Variants in STK24 observed in about 807,000 individuals in gnomAD.
STK24 encodes serine/threonine-protein kinase 24.
STK24 carries 21 observed loss-of-function variants against 55.6 expected under a neutral mutation model. The observed-to-expected ratio is 0.38, with a 90% CI of 0.27 to 0.54. The LOEUF is 0.54. Among genes scored for constraint, STK24 ranks in the 20% least tolerant of loss-of-function variants. STK24 has a pLI of 0.79. For missense variants in STK24, 383 were observed against 538.4 expected (o/e 0.71, Z 2.86); for synonymous variants, 200 against 215.2 (o/e 0.93, Z 0.62).
intron 1 of STK24, among the ~76,000 whole-genome samples, chr13:98,571,533 A>G (rs1337823603): frequency 6.6e-6 from 1 of 152,176 alleles, no homozygotes; most frequent in African/African-American, 2.4e-5. Flanking sequence ...TTTCTAATTT[A>G]AAAAAACCTT....
intron 5 of STK24, 130 bp downstream of exon 5, chr13:98,474,691 G>GA: frequency 8.4e-7 from 1 of 1,196,172 alleles, no homozygotes; most frequent in African/African-American, 1.5e-5. Context: ...CAAGGTTGAA[G>GA]AATTACCTTT....
intron 2 of STK24, among the ~76,000 whole-genome samples, chr13:98,499,436 A>C (rs1211980695): frequency 1.3e-5 from 2 of 152,198 alleles, no homozygotes; most frequent in Non-Finnish European, 2.9e-5. Context: ...TTGCGTATGG[A>C]AAGAAGCACC....
At chr13:98,475,212 T>G (rs1894319928) in intron 4 of STK24, 38 bp downstream of exon 4, 2 of 1,555,006 alleles carry the variant, frequency 1.3e-6, no homozygotes, top group East Asian at 4.5e-5. Context: ...ACCACCACCT[T>G]CAGTATTTCA....
chr13:98,505,190 G>A (rs140049623), intron 2 of STK24: 1 of 152,336 alleles, frequency 6.6e-6, no homozygotes, highest in East Asian at 1.9e-4. Flanking sequence ...ATCCACCAAG[G>A]TATAAAGGAG....
intron 2 of STK24, among the ~76,000 whole-genome samples, chr13:98,487,051 G>A (rs192628796): frequency 4.9e-4 from 75 of 152,262 alleles, no homozygotes; most frequent in African/African-American, 1.8e-3. Flanking sequence ...TGAATAACCT[G>A]GTAAAACCAA....
chr13:98,460,626 G>C (rs1212031651), intron 8 of STK24, among the ~76,000 whole-genome samples, 186 bp from the exon 9 acceptor site: 2 of 152,156 alleles, frequency 1.3e-5, no homozygotes, highest in Non-Finnish European at 2.9e-5. Flanking sequence ...AGACTTCAAA[G>C]TTTCATCTGC....
chr13:98,499,499 G>A (rs772212788), intron 2 of STK24, among the ~76,000 whole-genome samples: 8 of 152,168 alleles, frequency 5.3e-5, no homozygotes, highest in South Asian at 4.1e-4. Flanking sequence ...CTGAGTCCTG[G>A]CTCATCAGCT....
chr13:98,452,518 G>A lies in STK24; in HGVS notation c.*655C>T, dbSNP rs138036281. 3.9e-5 allele frequency: 6 copies of A among 152,726 alleles called. No homozygotes were observed. In the East Asian group the frequency reaches 7.7e-4, roughly 20 times the overall value. The allele number at this position is 152,726 out of a possible 1,614,324, so 9.5% of individuals were successfully genotyped here. A position where few individuals can be genotyped will look rare whatever the true frequency, so the allele number is the denominator to read the frequency against. On this transcript the variant is annotated 3_prime_UTR_variant, in exon 11 of 11. Coordinates refer to ENST00000539966, the MANE Select transcript of STK24 (RefSeq NM_001032296.4). ...AATAGGAGTGTTCTGTAAGAGAGGG[G>A]CATTAATTATTAATGACAAACCCTG...
At chr13:98,481,751 CA>C (rs137917260) in intron 3 of STK24, among the ~76,000 whole-genome samples, 37,745 of 152,044 alleles carry the variant, frequency 0.25, 5,447 homozygotes, top group East Asian at 0.41. Context: ...CAGCTGGTTT[CA>C]AAAGCAGACA....
chr13:98,450,882 G>GT lies in STK24; in HGVS notation c.*2290dup, dbSNP rs1318209712. On this transcript the variant is annotated 3_prime_UTR_variant, in exon 11 of 11. Transcript: ENST00000539966. ...GGCTGATTTTGTGCGTCTACAGAAAGTAACAGCCCAGGAGAGAATGTACAC... is the reference window on the plus strand; with the variant it reads ...GGCTGATTTTGTGCGTCTACAGAAAGTTAACAGCCCAGGAGAGAATGTACAC... 2 of 152,188 alleles carry GT rather than the reference G, an allele frequency of 1.3e-5. No homozygotes were observed. The highest frequency in any genetic ancestry group is 6.5e-5 in the Admixed American group (1 of 15,282). The allele number at this position is 152,188 out of a possible 1,614,324, so 9.4% of individuals were successfully genotyped here. A position where few individuals can be genotyped will look rare whatever the true frequency, so the allele number is the denominator to read the frequency against.
At chr13:98,567,767 TGAA>T (rs200782123) in intron 1 of STK24, among the ~76,000 whole-genome samples, 4,851 of 152,112 alleles carry the variant, frequency 0.032, 235 homozygotes, top group African/African-American at 0.11. Context: ...ACCTATAAAC[TGAA>T]GAATAGCAAC....
At position 98,446,643 on chromosome 13, in the gene STK24, T is replaced by A; in HGVS notation, c.*6530A>T. 1.9e-6 allele frequency: 3 copies of A among 1,612,666 alleles called. No homozygotes were observed. Among genetic ancestry groups the A allele is most frequent in the Non-Finnish European group, 2.5e-6 (3 of 1,178,882 alleles). ...GCAGAAGCTGACCCCGAAAAGCCAC[T>A]TTGCTTTGTTTCCCCTTTCCAGGAC... On this transcript the variant is annotated 3_prime_UTR_variant, in exon 11 of 11. Coordinates refer to ENST00000539966, the MANE Select transcript of STK24 (RefSeq NM_001032296.4).
intron 3 of STK24, among the ~76,000 whole-genome samples, chr13:98,478,833 A>G (rs1894480608): frequency 1.3e-5 from 2 of 151,960 alleles, no homozygotes; most frequent in South Asian, 4.1e-4. Flanking sequence ...ATCAGCTAAA[A>G]CCTTCTGGTC....
intron 2 of STK24, among the ~76,000 whole-genome samples, chr13:98,497,176 G>A (rs1018588697): frequency 1.4e-4 from 22 of 152,004 alleles, no homozygotes; most frequent in African/African-American, 4.6e-4. Flanking sequence ...TTTCCTCACC[G>A]CCTTCCTCTG....
At chr13:98,500,022 T>C (rs1322288408) in intron 2 of STK24, among the ~76,000 whole-genome samples, 2 of 152,256 alleles carry the variant, frequency 1.3e-5, no homozygotes, top group African/African-American at 2.4e-5. Flanking sequence ...GTGCTAGTGT[T>C]ACTTTGTGTT....
intron 1 of STK24, among the ~76,000 whole-genome samples, chr13:98,570,417 G>A (rs746330750): frequency 7.9e-5 from 12 of 152,078 alleles, no homozygotes; most frequent in Non-Finnish European, 1.2e-4. Flanking sequence ...CAAACCTTAC[G>A]GCCTAAAATT....
Position 98,447,350 on chromosome 13 carries a change from C to A in STK24, c.*5823G>T, listed in dbSNP as rs1892912312. On this transcript the variant is annotated 3_prime_UTR_variant, in exon 11 of 11. Coordinates refer to ENST00000539966, the MANE Select transcript of STK24 (RefSeq NM_001032296.4). ...GCTGAGCACCTCCTAAACAACATCA[C>A]CTGAAAAAGGAACCTAGAGGAGAGC... The A allele has an allele frequency of 6.6e-6, 1 of 152,604 alleles. No individual in the cohort carries two copies. Among genetic ancestry groups the A allele is most frequent in the South Asian group, 2.1e-4 (1 of 4,850 alleles). 9.5% of individuals were successfully genotyped at this position (152,604 alleles called of 1,614,324 possible).
At chr13:98,480,834 C>A (rs1894553745) in intron 3 of STK24, among the ~76,000 whole-genome samples, 3 of 152,228 alleles carry the variant, frequency 2.0e-5, no homozygotes, top group Admixed American at 6.5e-5. Flanking sequence ...AGTGATCCTC[C>A]CACTTCAGTC....
At chr13:98,485,692 G>T (rs939291759) in intron 2 of STK24, among the ~76,000 whole-genome samples, 1 of 152,222 alleles carries the variant, frequency 6.6e-6, no homozygotes. Context: ...GCCCAGGAAT[G>T]AACAAGGACA....
Sources: gnomAD v4.1 joint callset for allele counts (sites outside exome capture counted in the v4.1 genomes callset) on GRCh38, gnomAD v4.1.1 for gene constraint, MANE v1.5 for transcripts, NCBI Gene and HGNC (gene_info 2026-07-23, HGNC 2026-07-21) for gene names.